Variants in KCNU1 observed in about 807,000 individuals in gnomAD.
The protein encoded by KCNU1 is potassium calcium-activated channel subfamily U member 1.
A neutral mutation model predicts 126.8 loss-of-function variants in KCNU1; 93 were observed. That is an observed-to-expected ratio of 0.73 (90% CI 0.62 to 0.87). The LOEUF (loss-of-function observed/expected upper bound fraction) is 0.87. KCNU1 is among the 40% of genes least tolerant of loss of function. KCNU1 has a pLI of 0.00. For synonymous variants in KCNU1, 523 were observed against 494.2 expected, an observed-to-expected ratio of 1.06 and a Z score of -0.77; for missense variants, 1,330 against 1,367.1, an observed-to-expected ratio of 0.97 and a Z score of 0.43.
At chr8:36,821,607 G>A (rs573699345) in intron 10 of KCNU1, among the ~76,000 whole-genome samples, 1 of 152,282 alleles carries the variant, frequency 6.6e-6, no homozygotes, top group South Asian at 2.1e-4. Context: ...TTGTACAAGG[G>A]AGGGATGTGG....
At chr8:36,884,605 G>A (rs1806620759) in intron 19 of KCNU1, among the ~76,000 whole-genome samples, 1 of 152,000 alleles carries the variant, frequency 6.6e-6, no homozygotes, top group Non-Finnish European at 1.5e-5. Context: ...GTATGGTGGT[G>A]CACACCTGTA....
intron 24 of KCNU1, 97 bp downstream of exon 24, chr8:36,922,726 T>C: frequency 8.1e-7 from 1 of 1,230,168 alleles, no homozygotes; most frequent in South Asian, 1.5e-5. Context: ...ACCTCACAGT[T>C]CTAAGTTCTC....
chr8:36,931,148 G>A lies in KCNU1; in HGVS notation c.2931+3G>A, dbSNP rs200084282. On this transcript the variant is annotated splice_donor_region_variant and intron_variant, in intron 25 of 26. Transcript: ENST00000399881. Reference sequence around the variant, plus strand: ...AAACCATTTTATCAGACGTTAATGTGAGTCTACTCTTCTCAGAATTCAGTT... The same window carrying A: ...AAACCATTTTATCAGACGTTAATGTAAGTCTACTCTTCTCAGAATTCAGTT... The A allele has an allele frequency of 7.5e-5, 119 of 1,590,526 alleles. 1 individual carries two copies. The highest frequency in any genetic ancestry group is 5.0e-4 in the Middle Eastern group (3 of 5,974).
At chr8:36,830,911 C>CCCCCA (rs1434981179) in intron 10 of KCNU1, among the ~76,000 whole-genome samples, 3 of 112,152 alleles carry the variant, frequency 2.7e-5, no homozygotes, top group Non-Finnish European at 3.5e-5. Flanking sequence ...CTCCCCCCTC[C>CCCCCA]CCCCACCCCA....
chr8:36,791,293 C>T (rs942753321), intron 2 of KCNU1, among the ~76,000 whole-genome samples: 5 of 152,036 alleles, frequency 3.3e-5, no homozygotes, highest in African/African-American at 1.2e-4. Flanking sequence ...TATCTTATTT[C>T]TTTTTGAGAT....
At chr8:36,847,433 A>C (rs1805191100) in intron 18 of KCNU1, among the ~76,000 whole-genome samples, 1 of 152,198 alleles carries the variant, frequency 6.6e-6, no homozygotes, top group Admixed American at 6.5e-5. Flanking sequence ...GATGAAGGAC[A>C]CTAGAAATTA....
intron 23 of KCNU1, among the ~76,000 whole-genome samples, chr8:36,921,751 C>T (rs1336873770): frequency 6.6e-6 from 1 of 151,704 alleles, no homozygotes. Context: ...GTATTCACCT[C>T]AGAGGCTGCC....
intron 12 of KCNU1, among the ~76,000 whole-genome samples, chr8:36,835,349 T>TTTTC (rs1414896048): frequency 7.7e-6 from 1 of 130,560 alleles, no homozygotes; most frequent in African/African-American, 2.7e-5. Flanking sequence ...TTTTCTTTTC[T>TTTTC]TTTTTTTTTT....
In KCNU1 at chr8:36,784,556, G is replaced by A; in HGVS notation, c.146G>A (p.Trp49Ter). 3 of 1,613,752 alleles carry A rather than the reference G, an allele frequency of 1.9e-6. No homozygotes were observed. Among genetic ancestry groups the A allele is most frequent in the Non-Finnish European group, 2.5e-6 (3 of 1,179,746 alleles). ...ATCCTGTTGATCTTCAGGCTGATCT[G>A]GAGATCTGTTAAAAAATGGCAAATC... Reference protein sequence around the residue: ...LIILLIFRLIWRSVKKWQIIK... With the variant: ...LIILLIFRLI Residue 49 changes from tryptophan (W) to a stop codon, truncating the protein, a stop_gained, in exon 1 of 27, where the codon TGG becomes TAG. Coordinates refer to ENST00000399881, the MANE Select transcript of KCNU1 (RefSeq NM_001031836.3). LOFTEE classifies it high-confidence loss of function.
At position 36,821,244 on chromosome 8, in the gene KCNU1, G is replaced by A. The variant is rs529723888; in HGVS notation, c.1106+3484G>A. Among the ~76,000 whole-genome samples, 33 of 152,228 alleles carry A rather than the reference G, an allele frequency of 2.2e-4. No individual in the cohort carries two copies. The South Asian group carries it at 6.2e-3, about 29-fold the overall frequency. On this transcript the variant is annotated intron_variant, in intron 10 of 26. Coordinates refer to ENST00000399881, the MANE Select transcript of KCNU1 (RefSeq NM_001031836.3). The stretch of plus-strand genomic sequence containing the variant: ...AGAATTACGGACAGTAGATTAACTC[G>A]TGAGCACAGAACTGGGCCATAATTG...
chr8:36,890,634 G>A (rs1451349289), intron 19 of KCNU1, among the ~76,000 whole-genome samples: 1 of 151,950 alleles, frequency 6.6e-6, no homozygotes, highest in East Asian at 1.9e-4. Context: ...AAATGTGGTA[G>A]ACATTAATCC....
intron 1 of KCNU1, 118 bp from the exon 2 acceptor site, chr8:36,787,188 G>T: frequency 1.1e-6 from 1 of 870,426 alleles, no homozygotes; most frequent in South Asian, 2.5e-5. Context: ...CCCTGGTTTG[G>T]ACAAGGTGGA....
intron 19 of KCNU1, chr8:36,888,604 C>T: frequency 1.9e-6 from 1 of 534,224 alleles, no homozygotes; most frequent in South Asian, 1.4e-5. Flanking sequence ...CAACAGGGAA[C>T]ACTGATGACT....
Position 36,845,495 on chromosome 8 carries a change from C to T in KCNU1, c.1704-85C>T. 3 of 731,410 alleles carry T rather than the reference C, an allele frequency of 4.1e-6. No homozygotes were observed. In the South Asian group the frequency reaches 5.0e-5, roughly 12 times the overall value. 45.3% of individuals were successfully genotyped at this position (731,410 alleles called of 1,614,324 possible). A position where few individuals can be genotyped will look rare whatever the true frequency, so the allele number is the denominator to read the frequency against. On this transcript the variant is annotated intron_variant, in intron 16 of 26. Transcript: ENST00000399881. ...CGATTAAATTAGCAACTCAGAGAAT[C>T]CATTGATCATAACAGAAAGAGGCAC...
chr8:36,902,568 G>T (rs1006906690), intron 19 of KCNU1, among the ~76,000 whole-genome samples: 1 of 152,100 alleles, frequency 6.6e-6, no homozygotes, highest in African/African-American at 2.4e-5. Context: ...TGTTCTCAAA[G>T]AGTCCCTGAA....
At chr8:36,805,128 G>C in intron 3 of KCNU1, 67 bp from the exon 4 acceptor site, 1 of 1,102,320 alleles carries the variant, frequency 9.1e-7, no homozygotes, top group South Asian at 1.4e-5. Context: ...TTTCCCTTTA[G>C]TTGGTCTTAT....
chr8:36,790,413 A>G (rs1563256559), intron 2 of KCNU1, among the ~76,000 whole-genome samples: 1 of 152,090 alleles, frequency 6.6e-6, no homozygotes, highest in Non-Finnish European at 1.5e-5. Flanking sequence ...GAAATTAATG[A>G]ATTATAAAAC....
At chr8:36,834,903 T>C (rs746047922) in intron 12 of KCNU1, 35 bp downstream of exon 12, 34 of 1,377,262 alleles carry the variant, frequency 2.5e-5, no homozygotes, top group African/African-American at 4.3e-5. Flanking sequence ...ATAACGATTA[T>C]TTTTTTCTAT....
At chr8:36,838,727 A>G (rs1483264168) in intron 14 of KCNU1, among the ~76,000 whole-genome samples, 1 of 151,938 alleles carries the variant, frequency 6.6e-6, no homozygotes, top group Non-Finnish European at 1.5e-5. Flanking sequence ...TAAAAATAAG[A>G]TCTAGAGTTG....
Sources: allele counts gnomAD v4.1 joint callset (sites outside exome capture counted in the v4.1 genomes callset), GRCh38; gene constraint gnomAD v4.1.1; transcripts MANE v1.5; gene names NCBI Gene and HGNC (gene_info 2026-07-23, HGNC 2026-07-21).